Variants in PIGU observed in about 807,000 individuals in gnomAD.
PIGU encodes phosphatidylinositol glycan anchor biosynthesis class U, also known as GPI-anchor transamidase component PIGU.
In PIGU, 24 loss-of-function variants were observed where a neutral mutation model predicts 49.9. That is an observed-to-expected ratio of 0.48 (90% confidence interval 0.35 to 0.68). PIGU has a LOEUF of 0.68. Among genes scored for constraint, PIGU ranks in the 30% least tolerant of loss-of-function variants. The probability of loss-of-function intolerance (pLI) is 0.01; values close to 1 mark genes in which losing one functional copy is unlikely to be tolerated. For synonymous variants in PIGU, 220 were observed against 205.7 expected, an observed-to-expected ratio of 1.07 and a Z score of -0.59; for missense variants, 490 against 532.6, an observed-to-expected ratio of 0.92 and a Z score of 0.79.
intron 7 of PIGU, among the ~76,000 whole-genome samples, chr20:34,611,708 T>C (rs1433097818): frequency 8.2e-6 from 1 of 121,390 alleles, no homozygotes; most frequent in Non-Finnish European, 1.8e-5. Flanking sequence ...GGGCAAAGGA[T>C]ATGAACAGAC....
At position 34,655,269 on chromosome 20, in the gene PIGU, C is replaced by T. The variant is rs1986668762; in HGVS notation, c.195+1911G>A. ...AGGCTATAGTAAGCCATGATCATTC[C>T]ACCACATTCCAGCCTCGGTGACAGA... On this transcript the variant is annotated intron_variant, in intron 2 of 11. Coordinates refer to ENST00000217446, the MANE Select transcript of PIGU (RefSeq NM_080476.5). Among the ~76,000 whole-genome samples, 3 of 120,150 alleles carry T rather than the reference C, an allele frequency of 2.5e-5. 1 individual carries two copies. The highest frequency in any genetic ancestry group is 9.2e-5 in the African/African-American group (3 of 32,574). The allele number at this position is 120,150 out of a possible 152,430, so 78.8% of individuals were successfully genotyped here. A position where few individuals can be genotyped will look rare whatever the true frequency, so the allele number is the denominator to read the frequency against.
chr20:34,587,699 G>A (rs1345884957), intron 8 of PIGU, among the ~76,000 whole-genome samples: 2 of 152,096 alleles, frequency 1.3e-5, no homozygotes, highest in Non-Finnish European at 2.9e-5. Flanking sequence ...CTGCTTCTAT[G>A]AGCGTAATTG....
intron 1 of PIGU, among the ~76,000 whole-genome samples, chr20:34,658,932 C>T (rs961209920): frequency 6.6e-6 from 1 of 151,120 alleles, no homozygotes; most frequent in Non-Finnish European, 1.5e-5. Flanking sequence ...CCAGCCGCCC[C>T]GTCCGGGAGG....
chr20:34,591,833 A>T (rs1016719982), intron 7 of PIGU, among the ~76,000 whole-genome samples: 2 of 152,234 alleles, frequency 1.3e-5, no homozygotes, highest in Non-Finnish European at 1.5e-5. Context: ...AAAATACCTC[A>T]TATTACTATT....
chr20:34,659,367 G>GC (rs1986853966), intron 1 of PIGU, among the ~76,000 whole-genome samples: 1 of 141,320 alleles, frequency 7.1e-6, no homozygotes, highest in Non-Finnish European at 1.5e-5. Context: ...CTGCCCGGCC[G>GC]CCCCTACTGG....
At chr20:34,563,986 G>A (rs568357296) in intron 11 of PIGU, among the ~76,000 whole-genome samples, 57 of 152,260 alleles carry the variant, frequency 3.7e-4, no homozygotes, top group African/African-American at 1.3e-3. Context: ...AACCTAAACT[G>A]GGGGACAAAC....
chr20:34,612,004 A>G (rs1365322338), intron 7 of PIGU, among the ~76,000 whole-genome samples: 2 of 152,236 alleles, frequency 1.3e-5, no homozygotes, highest in African/African-American at 4.8e-5. Context: ...CAATCCCATT[A>G]CTGGATATAT....
chr20:34,591,546 T>A (rs938184728), intron 7 of PIGU, among the ~76,000 whole-genome samples: 1 of 152,204 alleles, frequency 6.6e-6, no homozygotes, highest in Non-Finnish European at 1.5e-5. Flanking sequence ...CTTCAAGGAA[T>A]CTTTATCATA....
At chr20:34,668,867 C>G (rs1274984064) in intron 1 of PIGU, among the ~76,000 whole-genome samples, 2 of 44,690 alleles carry the variant, frequency 4.5e-5, no homozygotes, top group African/African-American at 1.7e-4. Flanking sequence ...AATGGTAAAA[C>G]TTTTTTTTTT....
intron 2 of PIGU, among the ~76,000 whole-genome samples, chr20:34,656,448 A>C (rs1046972092): frequency 1.5e-5 from 2 of 133,552 alleles, no homozygotes; most frequent in African/African-American, 2.8e-5. Context: ...GCGCCCAGCT[A>C]ATCTTTTGTA....
chr20:34,588,437 C>G lies in PIGU; in HGVS notation c.782+16G>C. Reference sequence around the variant, plus strand: ...CCCCACAGCTTCTAGAATTTTCTAACGTGGTCATTACTTACATAAAGCCAT... The same window carrying G: ...CCCCACAGCTTCTAGAATTTTCTAAGGTGGTCATTACTTACATAAAGCCAT... On this transcript the variant is annotated intron_variant, in intron 8 of 11. Transcript: ENST00000217446. The G allele has an allele frequency of 6.2e-7, 1 of 1,605,518 alleles. No individual in the cohort carries two copies. The highest frequency in any genetic ancestry group is 1.1e-5 in the South Asian group (1 of 89,880).
At chr20:34,642,601 C>T (rs1986199501) in intron 4 of PIGU, among the ~76,000 whole-genome samples, 1 of 149,880 alleles carries the variant, frequency 6.7e-6, no homozygotes, top group Non-Finnish European at 1.5e-5. Flanking sequence ...TAGATGAAAG[C>T]TACCAATCCT....
At chr20:34,601,572 C>T (rs1353814918) in intron 7 of PIGU, among the ~76,000 whole-genome samples, 2 of 152,112 alleles carry the variant, frequency 1.3e-5, no homozygotes, top group African/African-American at 4.8e-5. Context: ...GGAAAGAACA[C>T]CCAGGGCATA....
chr20:34,582,543 G>C (rs1049726727), intron 9 of PIGU, among the ~76,000 whole-genome samples: 4 of 152,102 alleles, frequency 2.6e-5, no homozygotes, highest in Non-Finnish European at 5.9e-5. Context: ...AGCCGGGTGT[G>C]GTGGCATATG....
intron 5 of PIGU, among the ~76,000 whole-genome samples, chr20:34,636,699 C>G (rs1299039545): frequency 6.6e-6 from 1 of 152,124 alleles, no homozygotes; most frequent in Non-Finnish European, 1.5e-5. Context: ...AAAAGGTAGA[C>G]TAGTTACATA....
chr20:34,668,354 C>T (rs1380281467), intron 1 of PIGU, among the ~76,000 whole-genome samples: 5 of 145,248 alleles, frequency 3.4e-5, no homozygotes, highest in Non-Finnish European at 6.0e-5. Flanking sequence ...CCCAGCTACT[C>T]GGGAGGCTAA....
At chr20:34,573,006 A>G (rs1320246435) in intron 11 of PIGU, among the ~76,000 whole-genome samples, 2 of 152,120 alleles carry the variant, frequency 1.3e-5, no homozygotes, top group Non-Finnish European at 2.9e-5. Flanking sequence ...TTTTCATTGC[A>G]TAGTCTTTTT....
intron 7 of PIGU, among the ~76,000 whole-genome samples, chr20:34,604,635 G>C (rs1600621103): frequency 6.6e-6 from 1 of 152,118 alleles, no homozygotes; most frequent in African/African-American, 2.4e-5. Context: ...AAAGTGACTG[G>C]GGAAGAAAAA....
At chr20:34,595,203 A>C (rs1280132000) in intron 7 of PIGU, among the ~76,000 whole-genome samples, 1 of 152,098 alleles carries the variant, frequency 6.6e-6, no homozygotes, top group Non-Finnish European at 1.5e-5. Flanking sequence ...ACTAAAGAGA[A>C]GACAGCCCTC....
Sources: gnomAD v4.1 joint callset for allele counts (sites outside exome capture counted in the v4.1 genomes callset) on GRCh38, gnomAD v4.1.1 for gene constraint, MANE v1.5 for transcripts, NCBI Gene and HGNC (gene_info 2026-07-23, HGNC 2026-07-21) for gene names.